HOOK3: variants seen among roughly 807,000 people sequenced by gnomAD.
HOOK3 encodes protein Hook homolog 3.
A neutral mutation model predicts 116.3 loss-of-function variants in HOOK3; 24 were observed. The ratio of observed to expected loss-of-function variants is 0.21; its 90% CI spans 0.15 to 0.29. The LOEUF (loss-of-function observed/expected upper bound fraction) is 0.29. HOOK3 is among the 10% of genes least tolerant of loss of function. HOOK3 has a pLI of 1.00. For missense variants in HOOK3, 632 were observed against 830.2 expected, an observed-to-expected ratio of 0.76 and a Z score of 2.93; for synonymous variants, 275 against 283.0, an observed-to-expected ratio of 0.97 and a Z score of 0.28.
At chr8:42,997,804 T>C in intron 16 of HOOK3, 167 bp downstream of exon 16, 1 of 570,058 alleles carries the variant, frequency 1.8e-6, no homozygotes, top group Non-Finnish European at 3.2e-6. Flanking sequence ...AAGGACCAGA[T>C]AGTACTTTAT....
chr8:42,928,622 T>C (rs1807815764), intron 3 of HOOK3, among the ~76,000 whole-genome samples: 1 of 152,220 alleles, frequency 6.6e-6, no homozygotes, highest in Admixed American at 6.5e-5. Flanking sequence ...TCCAGTGTCA[T>C]GAGTAAGGCA....
intron 6 of HOOK3, among the ~76,000 whole-genome samples, chr8:42,956,093 A>C (rs1808428516): frequency 6.6e-6 from 1 of 152,142 alleles, no homozygotes; most frequent in Admixed American, 6.5e-5. Flanking sequence ...GAATATAAGA[A>C]GGAAACAACA....
chr8:42,991,115 T>C (rs1809152042), intron 15 of HOOK3, among the ~76,000 whole-genome samples: 1 of 152,216 alleles, frequency 6.6e-6, no homozygotes. Context: ...TATAGATTTA[T>C]CTCTGACTTC....
intron 1 of HOOK3, among the ~76,000 whole-genome samples, chr8:42,900,644 T>G (rs537278706): frequency 6.6e-6 from 1 of 152,332 alleles, no homozygotes; most frequent in African/African-American, 2.4e-5. Flanking sequence ...TGTACAAAAG[T>G]TAAAGTACTT....
chr8:42,990,885 G>A (rs1367459535), intron 15 of HOOK3, among the ~76,000 whole-genome samples: 2 of 152,136 alleles, frequency 1.3e-5, no homozygotes, highest in African/African-American at 4.8e-5. Flanking sequence ...TATTACTCAA[G>A]AAATCTTTGC....
chr8:43,009,518 T>A (rs1809563039), intron 18 of HOOK3, among the ~76,000 whole-genome samples: 2 of 152,216 alleles, frequency 1.3e-5, no homozygotes, highest in South Asian at 4.1e-4. Context: ...TATTATATGA[T>A]GTTAAGATAT....
chr8:42,905,810 G>A (rs1246675835), intron 1 of HOOK3, among the ~76,000 whole-genome samples: 1 of 151,430 alleles, frequency 6.6e-6, no homozygotes, highest in African/African-American at 2.4e-5. Flanking sequence ...TTTCAGCCAG[G>A]TGCGGTGGCT....
chr8:42,957,044 A>T lies in HOOK3; in HGVS notation c.469-50A>T, dbSNP rs768814896. 19 of 1,002,294 alleles carry T rather than the reference A, an allele frequency of 1.9e-5. No individual in the cohort carries two copies. In the Admixed American group the frequency reaches 4.0e-4, roughly 21 times the overall value. The allele number at this position is 1,002,294 out of a possible 1,614,324, so 62.1% of individuals were successfully genotyped here. A position where few individuals can be genotyped will look rare whatever the true frequency, so the allele number is the denominator to read the frequency against. ...TTTTCTTATGTTAAGTATTTTATGTAGAATGTCTTTTTTGCCTCATAGTTA... is the reference window on the plus strand; with the variant it reads ...TTTTCTTATGTTAAGTATTTTATGTTGAATGTCTTTTTTGCCTCATAGTTA... On this transcript the variant is annotated intron_variant, in intron 6 of 21. Coordinates refer to ENST00000307602, the MANE Select transcript of HOOK3 (RefSeq NM_032410.4).
At chr8:42,916,845 A>G (rs1302052612) in intron 2 of HOOK3, among the ~76,000 whole-genome samples, 1 of 152,234 alleles carries the variant, frequency 6.6e-6, no homozygotes, top group African/African-American at 2.4e-5. Context: ...CTCATATCCA[A>G]GGTTACTTGG....
intron 5 of HOOK3, among the ~76,000 whole-genome samples, chr8:42,947,514 C>T (rs957846944): frequency 6.6e-6 from 1 of 152,140 alleles, no homozygotes; most frequent in Non-Finnish European, 1.5e-5. Flanking sequence ...CTCACTCAGA[C>T]CAAATGTTCT....
chr8:43,017,554 C>G (rs1441891785), intron 21 of HOOK3, among the ~76,000 whole-genome samples: 1 of 152,196 alleles, frequency 6.6e-6, no homozygotes, highest in Non-Finnish European at 1.5e-5. Context: ...GCATGAGCCA[C>G]TACTCAGTTC....
chr8:42,904,306 C>CTTTTTTTTT (rs753501072), intron 1 of HOOK3, among the ~76,000 whole-genome samples: 1 of 122,424 alleles, frequency 8.2e-6, no homozygotes, highest in South Asian at 2.8e-4. Flanking sequence ...CCGGTATGAT[C>CTTTTTTTTT]TTTTTTTTTT....
intron 2 of HOOK3, among the ~76,000 whole-genome samples, chr8:42,910,287 C>G (rs1349712028): frequency 6.6e-6 from 1 of 152,028 alleles, no homozygotes; most frequent in Non-Finnish European, 1.5e-5. Flanking sequence ...TTTCATTTAC[C>G]AAAGTCTTAT....
chr8:42,984,582 G>T (rs1263491381), intron 14 of HOOK3, among the ~76,000 whole-genome samples: 2 of 152,096 alleles, frequency 1.3e-5, no homozygotes, highest in African/African-American at 4.8e-5. Flanking sequence ...GAAACTTATT[G>T]GTAATACAGT....
chr8:43,001,969 G>A (rs1337853579), intron 16 of HOOK3, 138 bp from the exon 17 acceptor site: 4 of 582,448 alleles, frequency 6.9e-6, no homozygotes, highest in African/African-American at 1.9e-5. Flanking sequence ...GGGGTACATT[G>A]TGTGTTTTCA....
chr8:42,968,189 G>C lies in HOOK3; in HGVS notation c.1097G>C (p.Ser366Thr). Residue 366 changes from serine (S) to threonine (T), a missense_variant, in exon 11 of 22, where the codon AGT becomes ACT. Physicochemically the swap from Ser to Thr is moderately conservative, Grantham distance 58. Transcript: ENST00000307602. ...EELRKANAARSQLETYKRQVV... is the reference protein window; with the variant it reads ...EELRKANAARTQLETYKRQVV... ...TTAAGAAAGGCCAACGCAGCGCGAA[G>C]TCAACTTGAAACCTACAAGAGACAG... 1 of 1,613,692 alleles carries C rather than the reference G, an allele frequency of 6.2e-7. No individual in the cohort carries two copies. The highest frequency in any genetic ancestry group is 8.5e-7 in the Non-Finnish European group (1 of 1,179,780).
chr8:42,929,199 A>T (rs1807826533), intron 3 of HOOK3, among the ~76,000 whole-genome samples: 1 of 152,232 alleles, frequency 6.6e-6, no homozygotes, highest in Non-Finnish European at 1.5e-5. Flanking sequence ...GAAAGAAAGC[A>T]TATTATATGC....
chr8:42,957,852 C>T (rs375671997), intron 7 of HOOK3, among the ~76,000 whole-genome samples: 111 of 141,142 alleles, frequency 7.9e-4, no homozygotes, highest in Middle Eastern at 3.9e-3. Context: ...TTGTTTGACA[C>T]GGAGTCTTGG....
chr8:42,949,090 T>TTG (rs1263942539), intron 5 of HOOK3, among the ~76,000 whole-genome samples: 1 of 152,232 alleles, frequency 6.6e-6, no homozygotes, highest in Non-Finnish European at 1.5e-5. Flanking sequence ...CATGAATCTC[T>TTG]TGTCAAAAGA....
Sources: allele counts gnomAD v4.1 joint callset (sites outside exome capture counted in the v4.1 genomes callset), GRCh38; gene constraint gnomAD v4.1.1; transcripts MANE v1.5; gene names NCBI Gene and HGNC (gene_info 2026-07-23, HGNC 2026-07-21).